The following ERG variants were observed in gnomAD, a reference collection of about 807,000 sequenced individuals.
ERG encodes transcriptional regulator ERG.
Under a neutral mutation model 55.3 loss-of-function variants are expected in ERG, and 9 were observed. That is an observed-to-expected ratio of 0.16 (90% CI 0.10 to 0.28). ERG has a LOEUF of 0.28. ERG is among the 10% of genes least tolerant of loss of function. The pLI is 1.00. For synonymous variants in ERG, 223 were observed against 237.3 expected, an observed-to-expected ratio of 0.94 and a Z score of 0.55; for missense variants, 434 against 631.6, an observed-to-expected ratio of 0.69 and a Z score of 3.35.
At chr21:38,490,096 C>G (rs1309955371) in intron 1 of ERG, among the ~76,000 whole-genome samples, 1 of 152,190 alleles carries the variant, frequency 6.6e-6, no homozygotes, top group African/African-American at 2.4e-5. Flanking sequence ...TAAGCAATCT[C>G]CAATGCAGAT....
intron 1 of ERG, among the ~76,000 whole-genome samples, chr21:38,654,046 G>A (rs2060503823): frequency 6.6e-6 from 1 of 152,152 alleles, no homozygotes; most frequent in Non-Finnish European, 1.5e-5. Context: ...ATTTGGCTAT[G>A]GGGTACTTAG....
chr21:38,509,064 A>T (rs1162471523), intron 2 of ERG, among the ~76,000 whole-genome samples: 1 of 152,214 alleles, frequency 6.6e-6, no homozygotes, highest in Non-Finnish European at 1.5e-5. Flanking sequence ...CCCAACCGGC[A>T]CTTGACTGCA....
In ERG at chr21:38,576,838, T is replaced by C. The variant is rs556384602; in HGVS notation, c.-126-1091A>G. ...CCCAACCTCCCTGGGCGCTTGGTTATGGTTCTGACTGCAGCTGGATTCTAG... is the reference window on the plus strand; with the variant it reads ...CCCAACCTCCCTGGGCGCTTGGTTACGGTTCTGACTGCAGCTGGATTCTAG... On this transcript the variant is annotated intron_variant, in intron 1 of 8. Transcript: ENST00000398897. 3.9e-5 allele frequency among the ~76,000 whole-genome samples: 6 copies of C among 152,184 alleles called. No homozygotes were observed. In the South Asian group the frequency reaches 1.0e-3, roughly 26 times the overall value.
upstream of ERG, chr21:38,498,522 A>G (rs1185833420): frequency 2.8e-6 from 4 of 1,421,928 alleles, no homozygotes; most frequent in Admixed American, 1.2e-4. This position sits in a 1 kb window ranked among gnomAD's most constrained non-coding sequence, Gnocchi z 4.6. Flanking sequence ...AATGGCAGGA[A>G]GAGGTTTCTA....
intron 2 of ERG, among the ~76,000 whole-genome samples, chr21:38,537,452 A>G (rs2059719615): frequency 6.6e-6 from 1 of 151,570 alleles, no homozygotes; most frequent in Non-Finnish European, 1.5e-5. Flanking sequence ...ATATATATAT[A>G]TATGTATATA....
intron 2 of ERG, among the ~76,000 whole-genome samples, chr21:38,519,495 G>GA (rs1012964959): frequency 6.6e-6 from 1 of 152,096 alleles, no homozygotes; most frequent in African/African-American, 2.4e-5. Flanking sequence ...GAAAGCTGGA[G>GA]AAAAAAACTC....
At chr21:38,620,082 T>C (rs1402747683) in intron 1 of ERG, among the ~76,000 whole-genome samples, 1 of 152,214 alleles carries the variant, frequency 6.6e-6, no homozygotes, top group Non-Finnish European at 1.5e-5. Flanking sequence ...GGTTGGAATA[T>C]CTGGGCTCTG....
At chr21:38,458,793 C>A (rs990686509) in intron 1 of ERG, among the ~76,000 whole-genome samples, 2 of 152,136 alleles carry the variant, frequency 1.3e-5, no homozygotes, top group East Asian at 3.9e-4. Context: ...TTTCACAGCT[C>A]TTTAACAGAT....
intron 1 of ERG, among the ~76,000 whole-genome samples, chr21:38,581,596 G>C (rs936839839): frequency 6.6e-6 from 1 of 152,196 alleles, no homozygotes; most frequent in Admixed American, 6.5e-5. Context: ...CAGGAGAGGA[G>C]AGGAGCTAGA....
chr21:38,372,088 C>G, the ERG span, among the ~76,000 whole-genome samples: 1 of 151,968 alleles, frequency 6.6e-6, no homozygotes, highest in Non-Finnish European at 1.5e-5. Flanking sequence ...GTTTTCTACA[C>G]AAATTTATTC....
intron 1 of ERG, among the ~76,000 whole-genome samples, chr21:38,616,062 T>A (rs2060257153): frequency 6.6e-6 from 1 of 151,936 alleles, no homozygotes; most frequent in South Asian, 2.1e-4. Flanking sequence ...TGGGGGCAGT[T>A]CCCCCATGCT....
At chr21:38,612,503 C>A (rs961968501) in intron 1 of ERG, among the ~76,000 whole-genome samples, 6 of 152,116 alleles carry the variant, frequency 3.9e-5, no homozygotes, top group African/African-American at 1.4e-4. Flanking sequence ...TCAAGAGCAT[C>A]TGTACATATT....
At chr21:38,396,981 T>C (rs969837456) in intron 6 of ERG, among the ~76,000 whole-genome samples, 2 of 152,182 alleles carry the variant, frequency 1.3e-5, no homozygotes, top group Non-Finnish European at 2.9e-5. Context: ...TATGGGTTGA[T>C]ACTTTATGAG....
chr21:38,369,540 A>C, the ERG span, among the ~76,000 whole-genome samples: 1 of 152,124 alleles, frequency 6.6e-6, no homozygotes, highest in Non-Finnish European at 1.5e-5. Context: ...TGTTAGATGT[A>C]TAGTTTGCAA....
chr21:38,513,135 A>AT (rs903383213), intron 2 of ERG, among the ~76,000 whole-genome samples: 280 of 145,494 alleles, frequency 1.9e-3, no homozygotes, highest in African/African-American at 6.5e-3. Context: ...GTCTCAAAAA[A>AT]AAAAATAATA....
rs377108415 is a variant in ERG, at chr21:38,625,703, A to G, written c.-150+35955T>C. On this transcript the variant is annotated intron_variant, in intron 1 of 10. Transcript: ENST00000398910. ...TTCTGACAGTTGATCTCAAGATCTC[A>G]ACCTATATTCATTTTCACATCAAGA... Among the ~76,000 whole-genome samples, 216 of 151,716 alleles carry G rather than the reference A, an allele frequency of 1.4e-3. 3 individuals are homozygous for G. The highest frequency in any genetic ancestry group is 4.8e-3 in the African/African-American group (200 of 41,510).
intron 1 of ERG, among the ~76,000 whole-genome samples, chr21:38,467,663 T>C (rs1763448546): frequency 6.6e-6 from 1 of 152,314 alleles, no homozygotes; most frequent in East Asian, 1.9e-4. Context: ...TAGAAATCTA[T>C]TAATTTGCAT....
chr21:38,503,607 G>C (rs73906313), intron 2 of ERG, among the ~76,000 whole-genome samples: 19,116 of 151,990 alleles, frequency 0.13, 1,276 homozygotes, highest in African/African-American at 0.15. Flanking sequence ...GCCTGGGAGC[G>C]ACCCATGAAA....
chr21:38,575,146 C>T (rs561709498), intron 2 of ERG, among the ~76,000 whole-genome samples: 10 of 152,102 alleles, frequency 6.6e-5, no homozygotes, highest in Non-Finnish European at 8.8e-5. Flanking sequence ...TGAGTGTCGG[C>T]GAGCCCAGAT....
Sources: gnomAD v4.1 joint callset for allele counts (sites outside exome capture counted in the v4.1 genomes callset) on GRCh38, gnomAD v4.1.1 for gene constraint, Gnocchi (gnomAD v3.1) non-coding constraint, MANE v1.5 for transcripts, NCBI Gene and HGNC (gene_info 2026-07-23, HGNC 2026-07-21) for gene names.